Variants in BICD1 observed in about 807,000 individuals in gnomAD.
BICD1 encodes BICD cargo adaptor 1.
A neutral mutation model predicts 92.5 loss-of-function variants in BICD1; 35 were observed. The observed-to-expected ratio is 0.38, with a 90% CI of 0.29 to 0.50. The LOEUF is 0.50. Among genes scored for constraint, BICD1 ranks in the 20% least tolerant of loss-of-function variants. The pLI is 0.93. For synonymous variants in BICD1, 429 were observed against 465.1 expected, an observed-to-expected ratio of 0.92 and a Z score of 1.00; for missense variants, 950 against 1,189.8, an observed-to-expected ratio of 0.80 and a Z score of 2.97.
At chr12:32,272,260 G>A (rs1461847677) in intron 2 of BICD1, among the ~76,000 whole-genome samples, 3 of 152,090 alleles carry the variant, frequency 2.0e-5, no homozygotes, top group Non-Finnish European at 2.9e-5. Context: ...GGGGAAGAGA[G>A]GTTTTATTTT....
At chr12:32,216,579 A>G in intron 2 of BICD1, 120 bp downstream of exon 2, 3 of 1,003,916 alleles carry the variant, frequency 3.0e-6, no homozygotes, top group Non-Finnish European at 4.3e-6. Context: ...GCACGAAACT[A>G]CTAATACTGA....
intron 2 of BICD1, among the ~76,000 whole-genome samples, chr12:32,264,418 T>G (rs1480279010): frequency 1.3e-5 from 2 of 152,218 alleles, no homozygotes; most frequent in African/African-American, 4.8e-5. Flanking sequence ...CAATACCTTC[T>G]CCATAAAAAA....
chr12:32,294,697 G>A (rs1417321046), intron 3 of BICD1, among the ~76,000 whole-genome samples: 1 of 150,234 alleles, frequency 6.7e-6, no homozygotes, highest in African/African-American at 2.5e-5. Context: ...ACAATCACTG[G>A]TCTCTCACTC....
At chr12:32,319,142 C>T (rs1276339534) in intron 4 of BICD1, among the ~76,000 whole-genome samples, 1 of 152,088 alleles carries the variant, frequency 6.6e-6, no homozygotes, top group Admixed American at 6.6e-5. Flanking sequence ...ATTTGATTTT[C>T]TCACCTAAGT....
intron 1 of BICD1, among the ~76,000 whole-genome samples, chr12:32,197,835 C>G (rs1349383711): frequency 1.3e-5 from 2 of 152,172 alleles, no homozygotes; most frequent in Admixed American, 6.5e-5. Flanking sequence ...GTGAACTTTG[C>G]TAACCTTCAC....
intron 8 of BICD1, chr12:32,353,444 A>G (rs1471945994): frequency 6.6e-6 from 1 of 151,860 alleles, no homozygotes; most frequent in East Asian, 1.9e-4. Flanking sequence ...AGTCTTTCCT[A>G]TTTTCTTAAA....
intron 8 of BICD1, chr12:32,340,263 T>C: frequency 1.0e-6 from 1 of 985,424 alleles, no homozygotes; most frequent in Non-Finnish European, 1.2e-6. Flanking sequence ...TTGGTAGTGA[T>C]AATGAGTTGG....
intron 1 of BICD1, among the ~76,000 whole-genome samples, chr12:32,151,701 G>A (rs889466066): frequency 2.8e-4 from 43 of 152,198 alleles, no homozygotes; most frequent in African/African-American, 9.9e-4. Flanking sequence ...AACAGGGACA[G>A]CAGAAGGAAG....
chr12:32,239,949 T>A (rs1946190993), intron 2 of BICD1, among the ~76,000 whole-genome samples: 1 of 152,154 alleles, frequency 6.6e-6, no homozygotes, highest in African/African-American at 2.4e-5. Context: ...TTTTTAGATA[T>A]GGTATTGAAC....
intron 2 of BICD1, among the ~76,000 whole-genome samples, chr12:32,237,936 A>T (rs984914396): frequency 6.6e-6 from 1 of 152,228 alleles, no homozygotes; most frequent in African/African-American, 2.4e-5. Flanking sequence ...ACATTTTATA[A>T]AGATATAGCT....
chr12:32,382,311 A>G lies in BICD1; in HGVS notation c.*4684A>G, dbSNP rs577334808. 3.5e-4 allele frequency: 36 copies of G among 104,178 alleles called. No individual in the cohort carries two copies. The highest frequency in any genetic ancestry group is 1.0e-3 in the African/African-American group (36 of 35,798). The allele number at this position is 104,178 out of a possible 1,614,324, so 6.5% of individuals were successfully genotyped here. ...GAGAATTTTCCAGAATATTCTACTT[A>G]AGAAGAAGAAGAGCAATTAACTGCC... On this transcript the variant is annotated 3_prime_UTR_variant, in exon 10 of 10. Coordinates refer to ENST00000652176, the MANE Select transcript of BICD1 (RefSeq NM_001714.4).
At chr12:32,252,100 A>AATAAATATTATATATTATATATTTATT (rs1946558916) in intron 2 of BICD1, among the ~76,000 whole-genome samples, 6 of 76,360 alleles carry the variant, frequency 7.9e-5, no homozygotes, top group Non-Finnish European at 1.2e-4. Context: ...ATATATTTAT[A>AATAAATATTATATATTATATATTTATT]ATAAATATTA....
At chr12:32,364,973 C>T (rs1939472054) in intron 8 of BICD1, among the ~76,000 whole-genome samples, 1 of 152,160 alleles carries the variant, frequency 6.6e-6, no homozygotes, top group Non-Finnish European at 1.5e-5. Context: ...CAGTGGCTCA[C>T]ACCTGTAATC....
intron 1 of BICD1, among the ~76,000 whole-genome samples, chr12:32,190,063 T>G (rs977473433): frequency 5.9e-5 from 9 of 152,164 alleles, no homozygotes; most frequent in Non-Finnish European, 2.9e-5. Context: ...TGTTTTGTTT[T>G]ATGTAAGGTC....
intron 1 of BICD1, among the ~76,000 whole-genome samples, chr12:32,201,187 G>A (rs1944897597): frequency 1.3e-5 from 2 of 152,140 alleles, no homozygotes; most frequent in Admixed American, 1.3e-4. Flanking sequence ...TCTGAAACAA[G>A]GCTTTCCTTC....
intron 2 of BICD1, among the ~76,000 whole-genome samples, chr12:32,288,390 CCTGGCTAATTTTGGCATGTT>C (rs1215338287): frequency 6.6e-6 from 1 of 151,920 alleles, no homozygotes; most frequent in African/African-American, 2.4e-5. Context: ...CACCACCATA[CCTGGCTAATTTTGGCATGTT>C]CTTTTTTTGT....
rs1940224925 is a variant in BICD1, at chr12:32,382,661, T to G, written c.*5034T>G. 6.6e-6 allele frequency: 1 copy of G among 152,098 alleles called. No individual in the cohort carries two copies. The highest frequency in any genetic ancestry group is 1.5e-5 in the Non-Finnish European group (1 of 67,928). The allele number at this position is 152,098 out of a possible 1,614,324, so 9.4% of individuals were successfully genotyped here. A position where few individuals can be genotyped will look rare whatever the true frequency, so the allele number is the denominator to read the frequency against. On this transcript the variant is annotated 3_prime_UTR_variant, in exon 10 of 10. Coordinates refer to ENST00000652176, the MANE Select transcript of BICD1 (RefSeq NM_001714.4). ...GAGTTTAATTGCTGTAGAACACTTGTTGAGAACACATTTTTTACTTTTTTT... is the reference window on the plus strand; with the variant it reads ...GAGTTTAATTGCTGTAGAACACTTGGTGAGAACACATTTTTTACTTTTTTT...
chr12:32,285,842 GA>G (rs34902468), intron 2 of BICD1, among the ~76,000 whole-genome samples: 1 of 151,026 alleles, frequency 6.6e-6, no homozygotes, highest in Non-Finnish European at 1.5e-5. Flanking sequence ...ATCCCAGGAA[GA>G]AAAAAAAATT....
chr12:32,286,950 A>G (rs1455922523), intron 2 of BICD1, among the ~76,000 whole-genome samples: 1 of 152,220 alleles, frequency 6.6e-6, no homozygotes, highest in African/African-American at 2.4e-5. Context: ...TTTTCTAAGT[A>G]TGTACTCCAT....
Sources: allele counts gnomAD v4.1 joint callset (sites outside exome capture counted in the v4.1 genomes callset), GRCh38; gene constraint gnomAD v4.1.1; transcripts MANE v1.5; gene names NCBI Gene and HGNC (gene_info 2026-07-23, HGNC 2026-07-21).